SRGAP3: variants seen among roughly 807,000 people sequenced by gnomAD.
The protein encoded by SRGAP3 is SLIT-ROBO Rho GTPase-activating protein 3.
A neutral mutation model predicts 121.1 loss-of-function variants in SRGAP3; 39 were observed. The observed-to-expected ratio is 0.32, with a 90% CI of 0.25 to 0.42. SRGAP3 has a LOEUF of 0.42. Among genes scored for constraint, SRGAP3 ranks in the 10% least tolerant of loss-of-function variants. The pLI, the probability that SRGAP3 is intolerant of heterozygous loss-of-function variation, is 1.00. For missense variants in SRGAP3, 1,213 were observed against 1,470.6 expected, an observed-to-expected ratio of 0.82 and a Z score of 2.86; for synonymous variants, 601 against 570.0, an observed-to-expected ratio of 1.05 and a Z score of -0.77.
intron 9 of SRGAP3, among the ~76,000 whole-genome samples, chr3:9,051,772 G>C (rs1945591078): frequency 6.8e-6 from 1 of 147,164 alleles, no homozygotes. Context: ...GGAGGCAGTG[G>C]CACGATCTTG....
intron 3 of SRGAP3, among the ~76,000 whole-genome samples, chr3:9,097,198 C>T (rs979353770): frequency 1.3e-5 from 2 of 151,486 alleles, no homozygotes; most frequent in Non-Finnish European, 2.9e-5. Context: ...GCTATGCTGC[C>T]CAAGCTGGTC....
chr3:9,172,580 T>C (rs1456507386), intron 1 of SRGAP3, among the ~76,000 whole-genome samples: 6 of 152,204 alleles, frequency 3.9e-5, no homozygotes, highest in Non-Finnish European at 8.8e-5. Flanking sequence ...CCAGCTCCTG[T>C]CTGCCTCCTC....
Position 9,023,587 on chromosome 3 carries a change from A to G in SRGAP3, c.1678+1674T>C, listed in dbSNP as rs565997035. Among the ~76,000 whole-genome samples the G allele has an allele frequency of 1.6e-4, 24 of 152,256 alleles. No homozygotes were observed. The East Asian group carries it at 3.5e-3, about 22-fold the overall frequency. ...GGGCTAGGGCCTCCTATGCTCCCCA[A>G]TGCCTACTCTATCATTGCACTGATT... On this transcript the variant is annotated intron_variant, in intron 14 of 21. Transcript: ENST00000383836.
rs1943309220 is a variant in SRGAP3, at chr3:9,010,506, T to C, written c.2148-119A>G. 2.4e-5 allele frequency: 24 copies of C among 1,011,458 alleles called. No homozygotes were observed. The Middle Eastern group carries it at 8.4e-4, about 35-fold the overall frequency. 62.7% of individuals were successfully genotyped at this position (1,011,458 alleles called of 1,614,324 possible). On this transcript the variant is annotated intron_variant, in intron 17 of 21. Coordinates refer to ENST00000383836, the MANE Select transcript of SRGAP3 (RefSeq NM_014850.4). The stretch of plus-strand genomic sequence containing the variant: ...CCCTCCCGCAGCTCAGATGCAGGCC[T>C]ATACCATCCTATCTTTTCCATGTGA...
chr3:9,179,094 T>C (rs761835211), intron 1 of SRGAP3, among the ~76,000 whole-genome samples: 55 of 152,218 alleles, frequency 3.6e-4, no homozygotes, highest in Admixed American at 6.5e-4. Flanking sequence ...CAGGACACCA[T>C]ACACCAAGGC....
chr3:9,197,742 G>C (rs1329883178), intron 1 of SRGAP3, among the ~76,000 whole-genome samples: 1 of 152,156 alleles, frequency 6.6e-6, no homozygotes, highest in Non-Finnish European at 1.5e-5. Context: ...ATATGCTTCA[G>C]AATCCCTGTT....
intron 3 of SRGAP3, among the ~76,000 whole-genome samples, chr3:9,299,975 A>G (rs1402749024): frequency 6.6e-6 from 1 of 151,748 alleles, no homozygotes; most frequent in African/African-American, 2.4e-5. Flanking sequence ...TTCACAAGCT[A>G]TGTGACTTTG....
At chr3:9,025,128 G>A in intron 14 of SRGAP3, 133 bp downstream of exon 14, 3 of 882,716 alleles carry the variant, frequency 3.4e-6, no homozygotes, top group East Asian at 2.4e-5. Flanking sequence ...GTGAAGTTGG[G>A]AAGAGATGTG....
chr3:9,159,439 A>G (rs1056802386), intron 1 of SRGAP3, among the ~76,000 whole-genome samples: 41 of 152,288 alleles, frequency 2.7e-4, no homozygotes, highest in African/African-American at 9.4e-4. Context: ...CCATCATTGG[A>G]TCTATTTGTC....
intron 1 of SRGAP3, among the ~76,000 whole-genome samples, chr3:9,247,323 T>C (rs1195855821): frequency 1.3e-5 from 2 of 152,228 alleles, no homozygotes; most frequent in Admixed American, 1.3e-4. Context: ...CGTAAGTCAC[T>C]GTTTTCCACA....
chr3:9,102,556 C>G (rs1948257566), intron 3 of SRGAP3, among the ~76,000 whole-genome samples: 1 of 152,170 alleles, frequency 6.6e-6, no homozygotes. Context: ...GTAAAGAGTG[C>G]CGGCCTCCAT....
intron 18 of SRGAP3, 28 bp from the exon 19 acceptor site, chr3:8,994,551 C>G: frequency 6.2e-7 from 1 of 1,609,604 alleles, no homozygotes; most frequent in Non-Finnish European, 8.5e-7. Flanking sequence ...GAAAAAGCGT[C>G]TCTGAGGTCA....
intron 3 of SRGAP3, among the ~76,000 whole-genome samples, chr3:9,098,124 C>G (rs553088914): frequency 6.6e-6 from 1 of 152,260 alleles, no homozygotes; most frequent in African/African-American, 2.4e-5. Context: ...AGAAGTTCTC[C>G]CTCTGAACAA....
At chr3:9,182,200 A>AC (rs1553687142) in intron 1 of SRGAP3, among the ~76,000 whole-genome samples, 1 of 146,304 alleles carries the variant, frequency 6.8e-6, no homozygotes, top group Non-Finnish European at 1.5e-5. Context: ...AAAAAAAAAA[A>AC]ACACAAAAAA....
chr3:9,342,350 C>CAA (rs5741610), intron 1 of SRGAP3, among the ~76,000 whole-genome samples: 15 of 144,842 alleles, frequency 1.0e-4, no homozygotes, highest in African/African-American at 3.5e-4. Context: ...GACTCCATCT[C>CAA]AAAAAAAAAA....
chr3:9,100,426 A>C (rs894209963), intron 3 of SRGAP3, among the ~76,000 whole-genome samples: 3 of 152,232 alleles, frequency 2.0e-5, no homozygotes, highest in Admixed American at 1.3e-4. Context: ...AGGCCAAAGA[A>C]TTGACACACA....
At chr3:9,041,370 A>C (rs1184652323) in intron 10 of SRGAP3, among the ~76,000 whole-genome samples, 1 of 152,230 alleles carries the variant, frequency 6.6e-6, no homozygotes, top group Non-Finnish European at 1.5e-5. Flanking sequence ...GCTTCTTATA[A>C]TATCCCCTCT....
At chr3:9,360,989 C>G (rs2030774950) in intron 1 of SRGAP3, among the ~76,000 whole-genome samples, 1 of 152,108 alleles carries the variant, frequency 6.6e-6, no homozygotes, top group African/African-American at 2.4e-5. Flanking sequence ...TGATGAGTAT[C>G]CCATTGTGAT....
chr3:9,204,138 G>T (rs1145159), intron 1 of SRGAP3, among the ~76,000 whole-genome samples: 4 of 152,042 alleles, frequency 2.6e-5, no homozygotes, highest in Non-Finnish European at 4.4e-5. Flanking sequence ...ATCAAACACC[G>T]GGAACCCATC....
Sources: gnomAD v4.1 joint callset for allele counts (sites outside exome capture counted in the v4.1 genomes callset) on GRCh38, gnomAD v4.1.1 for gene constraint, MANE v1.5 for transcripts, NCBI Gene and HGNC (gene_info 2026-07-23, HGNC 2026-07-21) for gene names.